The following FGF14 variants were observed in gnomAD, a reference collection of about 807,000 sequenced individuals.
The protein encoded by FGF14 is fibroblast growth factor 14.
FGF14 carries 5 observed loss-of-function variants against 25.5 expected under a neutral mutation model. That is an observed-to-expected ratio of 0.20 (90% CI 0.10 to 0.41). The LOEUF (loss-of-function observed/expected upper bound fraction) is 0.41, where lower values mean the gene tolerates loss of function less well. Among genes scored for constraint, FGF14 ranks in the 10% least tolerant of loss-of-function variants. FGF14 has a pLI of 1.00. For synonymous variants in FGF14, 138 were observed against 118.3 expected (o/e 1.17, Z -1.08); for missense variants, 222 against 320.1 (o/e 0.69, Z 2.34).
intron 1 of FGF14, among the ~76,000 whole-genome samples, chr13:101,900,995 T>C (rs933755670): frequency 4.6e-5 from 7 of 152,154 alleles, no homozygotes; most frequent in African/African-American, 1.4e-4. Flanking sequence ...TCAACTTTAG[T>C]CTTGCTTGAG....
chr13:101,883,665 T>G (rs1441330774), intron 1 of FGF14, among the ~76,000 whole-genome samples: 2 of 152,072 alleles, frequency 1.3e-5, no homozygotes, highest in African/African-American at 4.8e-5. Context: ...GAGCATACAC[T>G]TTGGGCCAGA....
intron 1 of FGF14, among the ~76,000 whole-genome samples, chr13:102,083,520 C>T (rs2043740990): frequency 6.6e-6 from 1 of 152,128 alleles, no homozygotes; most frequent in Non-Finnish European, 1.5e-5. Context: ...TTACCTTAAA[C>T]ATTCCTTTCT....
intron 1 of FGF14, among the ~76,000 whole-genome samples, chr13:102,094,910 T>A (rs2044322414): frequency 6.6e-6 from 1 of 152,068 alleles, no homozygotes; most frequent in Non-Finnish European, 1.5e-5. Flanking sequence ...AAACACAATG[T>A]CCCTAATTCA....
intron 1 of FGF14, among the ~76,000 whole-genome samples, chr13:102,092,388 G>A (rs2140248600): frequency 6.6e-6 from 1 of 152,242 alleles, no homozygotes; most frequent in African/African-American, 2.4e-5. Flanking sequence ...CCAAAACTGT[G>A]CCCACATCAT....
At chr13:102,006,140 G>C (rs1465218931) in intron 1 of FGF14, among the ~76,000 whole-genome samples, 2 of 152,264 alleles carry the variant, frequency 1.3e-5, no homozygotes, top group East Asian at 3.9e-4. Flanking sequence ...TCATTAAGAA[G>C]TTTAAAATCT....
intron 1 of FGF14, among the ~76,000 whole-genome samples, chr13:102,022,638 C>T (rs928962365): frequency 6.6e-6 from 1 of 151,828 alleles, no homozygotes; most frequent in African/African-American, 2.4e-5. Flanking sequence ...AGTTTAATAG[C>T]CAATGAAAGG....
At chr13:101,762,426 CA>C (rs1264651725) in intron 3 of FGF14, among the ~76,000 whole-genome samples, 3 of 152,264 alleles carry the variant, frequency 2.0e-5, no homozygotes, top group South Asian at 2.1e-4. Context: ...ATACCTTTGT[CA>C]GGGGCATTAT....
rs142338415 is a variant in FGF14, at chr13:102,250,980, G to A, written c.208+150491C>T. ...GAGAAATTAAGCATCTTACATACAC[G>A]AATTTTCTGGATAACCAGAACTTTC... On this transcript the variant is annotated intron_variant, in intron 1 of 4. Coordinates refer to the FGF14 transcript ENST00000376131. Among the ~76,000 whole-genome samples the A allele has an allele frequency of 5.6e-3, 852 of 152,150 alleles. 7 individuals carry two copies. Among genetic ancestry groups the A allele is most frequent in the African/African-American group, 0.019 (795 of 41,522 alleles).
In FGF14 at chr13:101,714,900, AT is replaced by A. The variant is rs139148907; in HGVS notation, c.*7930del. The A allele has an allele frequency of 0.012, 2,720 of 233,992 alleles. 85 individuals are homozygous for A. Among genetic ancestry groups the A allele is most frequent in the African/African-American group, 0.057 (2,506 of 43,970 alleles). The allele number at this position is 233,992 out of a possible 1,614,324, so 14.5% of individuals were successfully genotyped here. On this transcript the variant is annotated 3_prime_UTR_variant, in exon 5 of 5. Coordinates refer to ENST00000376143, the MANE Select transcript of FGF14 (RefSeq NM_004115.4). ...TTGAACATGGTATAGGGAATGAAAT[AT>A]TCTTTTAAACAGAATCTGGGTACCA...
At position 102,080,035 on chromosome 13, in the gene FGF14, C is replaced by T. The variant is rs78740912; in HGVS notation, c.209-204739G>A. Among the ~76,000 whole-genome samples the T allele has an allele frequency of 8.3e-3, 1,269 of 152,086 alleles. 16 individuals carry two copies. Among genetic ancestry groups the T allele is most frequent in the African/African-American group, 0.029 (1,190 of 41,490 alleles). On this transcript the variant is annotated intron_variant, in intron 1 of 4. Transcript: ENST00000376131. ...GCTGGGAGATGCATTCATGACGCAC[C>T]GGGCAAGGATGGGGTGGGAGGGAAG...
chr13:102,148,263 CAG>C (rs1187344477), intron 1 of FGF14, among the ~76,000 whole-genome samples: 1 of 152,074 alleles, frequency 6.6e-6, no homozygotes, highest in African/African-American at 2.4e-5. Flanking sequence ...ATTGAGCACT[CAG>C]AATTATTTTT....
intron 1 of FGF14, among the ~76,000 whole-genome samples, chr13:102,369,882 G>C (rs924539592): frequency 6.6e-6 from 1 of 152,030 alleles, no homozygotes; most frequent in Non-Finnish European, 1.5e-5. Flanking sequence ...TTTGTCTCAG[G>C]TTTTATGATT....
intron 1 of FGF14, among the ~76,000 whole-genome samples, chr13:101,899,440 G>T (rs752938936): frequency 7.2e-5 from 11 of 151,846 alleles, no homozygotes; most frequent in Non-Finnish European, 1.2e-4. Context: ...TAATCAAATG[G>T]AAGTTTTAAA....
chr13:102,229,580 G>A (rs2050985461), intron 1 of FGF14, among the ~76,000 whole-genome samples: 1 of 152,122 alleles, frequency 6.6e-6, no homozygotes, highest in South Asian at 2.1e-4. Flanking sequence ...CTCAACATGG[G>A]CTGCTCTCTT....
chr13:101,803,306 A>T (rs4771408), intron 3 of FGF14, among the ~76,000 whole-genome samples: 69,904 of 151,356 alleles, frequency 0.46, 16,479 homozygotes, highest in East Asian at 0.75. Context: ...TTAAAAAAAA[A>T]ATTATGGAAT....
intron 1 of FGF14, among the ~76,000 whole-genome samples, chr13:101,957,989 T>C (rs767573250): frequency 1.3e-5 from 2 of 152,144 alleles, no homozygotes; most frequent in African/African-American, 2.4e-5. Flanking sequence ...GTAAATAGTA[T>C]AGGAAAATAA....
intron 3 of FGF14, among the ~76,000 whole-genome samples, chr13:101,787,673 T>G (rs1357515186): frequency 6.6e-6 from 1 of 152,152 alleles, no homozygotes; most frequent in African/African-American, 2.4e-5. Flanking sequence ...TCTTCTTTTC[T>G]GTCCTCCTAC....
At chr13:102,139,184 G>A (rs1236096174) in intron 1 of FGF14, among the ~76,000 whole-genome samples, 4 of 152,016 alleles carry the variant, frequency 2.6e-5, no homozygotes, top group Non-Finnish European at 4.4e-5. Context: ...ATTGGAGCTC[G>A]GAAGAGTTTG....
chr13:102,103,433 A>G (rs1269243368), intron 1 of FGF14, among the ~76,000 whole-genome samples: 1 of 147,572 alleles, frequency 6.8e-6, no homozygotes, highest in African/African-American at 2.5e-5. Flanking sequence ...CTAGGATATA[A>G]ATAAGATTTT....
Sources: gnomAD v4.1 joint callset for allele counts (sites outside exome capture counted in the v4.1 genomes callset) on GRCh38, gnomAD v4.1.1 for gene constraint, MANE v1.5 for transcripts, NCBI Gene and HGNC (gene_info 2026-07-23, HGNC 2026-07-21) for gene names.